Variants in MYLK4 observed in about 807,000 individuals in gnomAD.
MYLK4 encodes myosin light chain kinase family member 4, also known as caMLCK like.
In MYLK4, 46 loss-of-function variants were observed where a neutral mutation model predicts 48.1. That is an observed-to-expected ratio of 0.96 (90% confidence interval 0.75 to 1.22). The LOEUF is 1.22. Among genes scored for constraint, MYLK4 ranks in the 50% most tolerant of loss-of-function variants. MYLK4 has a pLI of 0.00. For missense variants in MYLK4, 451 were observed against 486.1 expected, an observed-to-expected ratio of 0.93 and a Z score of 0.68; for synonymous variants, 170 against 180.8, an observed-to-expected ratio of 0.94 and a Z score of 0.48.
chr6:2,669,560 G>A (rs111840419), intron 12 of MYLK4, among the ~76,000 whole-genome samples: 4 of 152,256 alleles, frequency 2.6e-5, no homozygotes, highest in South Asian at 2.1e-4. Flanking sequence ...GCAAACCCTC[G>A]GGGTTTGTGG....
intron 2 of MYLK4, among the ~76,000 whole-genome samples, chr6:2,694,461 G>GTGA (rs896129726): frequency 1.1e-3 from 59 of 52,768 alleles, no homozygotes; most frequent in African/African-American, 3.7e-3. Context: ...CCAGTACGTA[G>GTGA]TGATGATGAT....
chr6:2,735,387 G>A (rs199857027), intron 2 of MYLK4, among the ~76,000 whole-genome samples: 1 of 152,216 alleles, frequency 6.6e-6, no homozygotes, highest in Non-Finnish European at 1.5e-5. Flanking sequence ...AAGCTCTTGG[G>A]AAAAATATAC....
the MYLK4 span, among the ~76,000 whole-genome samples, chr6:2,768,151 G>A: frequency 4.3e-4 from 66 of 152,314 alleles, no homozygotes; most frequent in African/African-American, 1.3e-3. Context: ...TCCTACCAGA[G>A]TGAACATGCA....
upstream of MYLK4, among the ~76,000 whole-genome samples, chr6:2,755,361 T>C (rs1764403048): frequency 6.6e-6 from 1 of 152,204 alleles, no homozygotes; most frequent in African/African-American, 2.4e-5. Context: ...TCTCTCTCTC[T>C]TTTGCGAGTA....
At chr6:2,749,757 C>A (rs550377430) in intron 1 of MYLK4, among the ~76,000 whole-genome samples, 1 of 152,274 alleles carries the variant, frequency 6.6e-6, no homozygotes, top group East Asian at 1.9e-4. Context: ...GGTTTTGCAG[C>A]CCCGTGGGAA....
chr6:2,763,443 TCAGGCATGG>T, the MYLK4 span, among the ~76,000 whole-genome samples: 1 of 152,132 alleles, frequency 6.6e-6, no homozygotes, highest in Non-Finnish European at 1.5e-5. Context: ...GGGGGGAGGC[TCAGGCATGG>T]CAGGCCTGAG....
Position 2,663,935 on chromosome 6 carries a change from T to A in MYLK4, c.*3990A>T, listed in dbSNP as rs1760542755. On this transcript the variant is annotated 3_prime_UTR_variant, in exon 13 of 13. Transcript: ENST00000274643. ...TTCTGAATGGGTAGTAGTGGTTGAG[T>A]TATAAGCCTTCATGGAAGGTGAAAC... 6.6e-6 allele frequency: 1 copy of A among 152,228 alleles called. No homozygotes were observed. The highest frequency in any genetic ancestry group is 1.5e-5 in the Non-Finnish European group (1 of 68,030). 9.4% of individuals were successfully genotyped at this position (152,228 alleles called of 1,614,324 possible).
At chr6:2,679,997 C>T (rs980352007) in intron 8 of MYLK4, among the ~76,000 whole-genome samples, 2 of 152,174 alleles carry the variant, frequency 1.3e-5, no homozygotes, top group African/African-American at 4.8e-5. Flanking sequence ...ATAAACTTCA[C>T]TGTATTAGGT....
chr6:2,744,052 G>T (rs1301240105), intron 2 of MYLK4: 1 of 398,968 alleles, frequency 2.5e-6, no homozygotes, highest in African/African-American at 2.1e-5. Context: ...GGGAGCAGCT[G>T]TGGATGTTGC....
At chr6:2,714,050 A>C (rs1215475494) in intron 2 of MYLK4, among the ~76,000 whole-genome samples, 1 of 152,222 alleles carries the variant, frequency 6.6e-6, no homozygotes, top group Non-Finnish European at 1.5e-5. Flanking sequence ...GGTTGTTTGG[A>C]ATGTAAAATA....
chr6:2,752,874 C>T (rs1764331004), upstream of MYLK4, among the ~76,000 whole-genome samples: 1 of 152,154 alleles, frequency 6.6e-6, no homozygotes, highest in African/African-American at 2.4e-5. Context: ...GGTTCTGCTG[C>T]ATCACACTGT....
rs115950745 is a variant in MYLK4, at chr6:2,672,821, C to G, written c.1120-1473G>C. On this transcript the variant is annotated intron_variant, in intron 11 of 12. Coordinates refer to ENST00000274643, the MANE Select transcript of MYLK4 (RefSeq NM_001012418.5). The surrounding 1 kb of genome is among the most constrained non-coding windows in gnomAD (Gnocchi z 4.3). Reference sequence around the variant, plus strand: ...GGAGAGCAGAGCAGTGAGGCTCTGCCCGGACTCCAGAGCTCAGCCCTGTCC... The same window carrying G: ...GGAGAGCAGAGCAGTGAGGCTCTGCGCGGACTCCAGAGCTCAGCCCTGTCC... 6.6e-6 allele frequency among the ~76,000 whole-genome samples: 1 copy of G among 152,118 alleles called. No individual in the cohort carries two copies. The highest frequency in any genetic ancestry group is 2.4e-5 in the African/African-American group (1 of 41,414).
intron 10 of MYLK4, among the ~76,000 whole-genome samples, chr6:2,676,091 C>A (rs201848357): frequency 2.2e-3 from 276 of 128,146 alleles, no homozygotes; most frequent in Middle Eastern, 3.8e-3. Context: ...GATTCTGTCT[C>A]AAAAAAAAAA....
intron 2 of MYLK4, among the ~76,000 whole-genome samples, chr6:2,742,086 T>TA (rs112485066): frequency 1.9e-4 from 28 of 150,246 alleles, no homozygotes; most frequent in Middle Eastern, 3.4e-3. Context: ...ATTGCTTACT[T>TA]AAAAAAAAAA....
intron 2 of MYLK4, among the ~76,000 whole-genome samples, chr6:2,709,009 T>G (rs1295565027): frequency 1.3e-5 from 2 of 152,224 alleles, no homozygotes; most frequent in Non-Finnish European, 2.9e-5. Context: ...ATCCTGTTAG[T>G]GGTACTCATC....
At chr6:2,747,132 C>T (rs949046248) in intron 2 of MYLK4, among the ~76,000 whole-genome samples, 1 of 152,170 alleles carries the variant, frequency 6.6e-6, no homozygotes, top group Non-Finnish European at 1.5e-5. Context: ...AACTGCAGGA[C>T]GGAAGCCAGG....
upstream of MYLK4, among the ~76,000 whole-genome samples, chr6:2,753,678 T>C (rs1484170526): frequency 3.3e-4 from 3 of 9,160 alleles, no homozygotes; most frequent in Non-Finnish European, 0.023. Context: ...AACTTAATAA[T>C]ATATGACAAA....
chr6:2,692,963 G>T, intron 2 of MYLK4, 104 bp from the exon 3 acceptor site: 2 of 1,048,088 alleles, frequency 1.9e-6, no homozygotes, highest in Non-Finnish European at 2.8e-6. Context: ...GGTGGGGAAT[G>T]TCACGAGCAT....
At position 2,713,728 on chromosome 6, in the gene MYLK4, A is replaced by C. The variant is rs936276715; in HGVS notation, c.160-20869T>G. 2.0e-4 allele frequency among the ~76,000 whole-genome samples: 31 copies of C among 152,254 alleles called. 1 individual carries two copies. Among genetic ancestry groups the C allele is most frequent in the African/African-American group, 7.0e-4 (29 of 41,470 alleles). On this transcript the variant is annotated intron_variant, in intron 2 of 12. Transcript: ENST00000274643. The stretch of plus-strand genomic sequence containing the variant: ...TGCCCTGGGGAGGTCATTGAGGACC[A>C]GCAGGGCCAGGTGGTACAGCCAGTA...
Sources: gnomAD v4.1 joint callset for allele counts (sites outside exome capture counted in the v4.1 genomes callset) on GRCh38, gnomAD v4.1.1 for gene constraint, Gnocchi (gnomAD v3.1) non-coding constraint, MANE v1.5 for transcripts, NCBI Gene and HGNC (gene_info 2026-07-23, HGNC 2026-07-21) for gene names.